The following WWOX variants were observed in gnomAD, a reference collection of about 807,000 sequenced individuals.
WWOX encodes the protein WW domain containing oxidoreductase.
In WWOX, 69 loss-of-function variants were observed where a neutral mutation model predicts 46.2. The ratio of observed to expected loss-of-function variants is 1.49; its 90% confidence interval spans 1.23 to 1.82. The LOEUF (loss-of-function observed/expected upper bound fraction) is 1.82, where lower values mean the gene tolerates loss of function less well. Among genes scored for constraint, WWOX ranks in the 40% most tolerant of loss-of-function variants. WWOX has a pLI of 0.00. For synonymous variants in WWOX, 359 were observed against 202.6 expected (o/e 1.77, Z -6.56); for missense variants, 919 against 542.6 (o/e 1.69, Z -6.89).
chr16:78,802,933 AAAAAAAAAAC>A (rs2050930669), intron 8 of WWOX, among the ~76,000 whole-genome samples: 1 of 101,358 alleles, frequency 9.9e-6, no homozygotes, highest in Admixed American at 9.4e-5. Context: ...AAAAAAAAAA[AAAAAAAAAAC>A]AACAAACAGA....
At chr16:78,998,934 C>G (rs1163422872) in intron 8 of WWOX, among the ~76,000 whole-genome samples, 1 of 152,198 alleles carries the variant, frequency 6.6e-6, no homozygotes, top group Non-Finnish European at 1.5e-5. Context: ...TCCCAAATGC[C>G]AGCAACCAAA....
intron 8 of WWOX, among the ~76,000 whole-genome samples, chr16:78,648,235 A>G (rs1456338931): frequency 1.3e-5 from 2 of 152,128 alleles, no homozygotes; most frequent in Non-Finnish European, 2.9e-5. Context: ...GCATATCCCT[A>G]TACAAAGACC....
intron 8 of WWOX, among the ~76,000 whole-genome samples, chr16:78,933,017 G>T (rs2045657790): frequency 6.6e-6 from 1 of 152,226 alleles, no homozygotes; most frequent in African/African-American, 2.4e-5. Context: ...GACTCACCCA[G>T]ACTCTGAGTT....
intron 8 of WWOX, among the ~76,000 whole-genome samples, chr16:78,998,898 T>A (rs2047041013): frequency 6.6e-6 from 1 of 152,206 alleles, no homozygotes; most frequent in African/African-American, 2.4e-5. Flanking sequence ...TGTCCGACTT[T>A]GTTATTGCCT....
intron 8 of WWOX, among the ~76,000 whole-genome samples, chr16:78,964,357 G>A (rs1210850351): frequency 6.6e-6 from 1 of 152,126 alleles, no homozygotes; most frequent in Non-Finnish European, 1.5e-5. Flanking sequence ...TGGAGATGAG[G>A]AGCTCGTTGG....
At chr16:78,321,150 G>A (rs1401596383) in intron 5 of WWOX, among the ~76,000 whole-genome samples, 1 of 151,884 alleles carries the variant, frequency 6.6e-6, no homozygotes, top group Non-Finnish European at 1.5e-5. Flanking sequence ...GTTGCAAAAA[G>A]GAATGTATAG....
At chr16:78,302,380 G>C (rs1480594524) in intron 5 of WWOX, among the ~76,000 whole-genome samples, 1 of 152,164 alleles carries the variant, frequency 6.6e-6, no homozygotes, top group Non-Finnish European at 1.5e-5. Context: ...AGTTGCCTCA[G>C]CCTCTCTTTT....
chr16:79,026,107 G>A (rs1342027572), intron 8 of WWOX, among the ~76,000 whole-genome samples: 1 of 151,390 alleles, frequency 6.6e-6, no homozygotes, highest in Non-Finnish European at 1.5e-5. Context: ...AGCCCCTGTT[G>A]CCCTTTTCAA....
intron 8 of WWOX, among the ~76,000 whole-genome samples, chr16:78,940,536 G>C (rs1046337390): frequency 2.0e-5 from 3 of 152,080 alleles, no homozygotes; most frequent in Non-Finnish European, 2.9e-5. Flanking sequence ...TCGACATCCC[G>C]TGTTCCATCT....
intron 5 of WWOX, among the ~76,000 whole-genome samples, chr16:78,235,716 C>G (rs2037412841): frequency 6.7e-6 from 1 of 149,890 alleles, no homozygotes; most frequent in African/African-American, 2.4e-5. Context: ...CCAGGCCACC[C>G]TGTTTACAAG....
At chr16:79,184,416 A>G (rs1463311499) in intron 8 of WWOX, among the ~76,000 whole-genome samples, 4 of 152,218 alleles carry the variant, frequency 2.6e-5, no homozygotes, top group Non-Finnish European at 5.9e-5. Flanking sequence ...ATCAGTCACC[A>G]TGTAAGGAAA....
At chr16:79,175,283 T>C (rs2044608385) in intron 8 of WWOX, among the ~76,000 whole-genome samples, 1 of 152,246 alleles carries the variant, frequency 6.6e-6, no homozygotes, top group Admixed American at 6.5e-5. Flanking sequence ...AATCCAACTT[T>C]ATTCAACATA....
At chr16:78,532,049 T>G (rs1302590723) in intron 8 of WWOX, among the ~76,000 whole-genome samples, 2 of 150,918 alleles carry the variant, frequency 1.3e-5, no homozygotes, top group Non-Finnish European at 1.5e-5. Flanking sequence ...AAGTGGTATT[T>G]GGGGGAGTAG....
At chr16:78,345,566 G>T (rs2081081360) in intron 5 of WWOX, among the ~76,000 whole-genome samples, 1 of 91,912 alleles carries the variant, frequency 1.1e-5, no homozygotes, top group African/African-American at 3.8e-5. Context: ...TTTGAACCTG[G>T]GAAGTCAAGG....
intron 8 of WWOX, among the ~76,000 whole-genome samples, chr16:78,434,173 C>G (rs1001593635): frequency 6.6e-6 from 1 of 151,970 alleles, no homozygotes; most frequent in Non-Finnish European, 1.5e-5. Flanking sequence ...TCTAATCACC[C>G]AAGTGGTTTT....
intron 8 of WWOX, among the ~76,000 whole-genome samples, chr16:78,678,202 A>G (rs2047648751): frequency 6.6e-6 from 1 of 152,072 alleles, no homozygotes; most frequent in Non-Finnish European, 1.5e-5. Flanking sequence ...TTGGTAGATT[A>G]CATGCTTAAT....
rs34730954 is a variant in WWOX at position 78,318,272 on chromosome 16, A to ATTTTTT, written c.517-68576_517-68571dup. ...CTTAGGAGCCCTCCGTCTGGGAGGA[A>ATTTTTT]TTTTTTTTTTTTTTTTTGGTATATC... On this transcript the variant is annotated intron_variant, in intron 5 of 8. Coordinates refer to ENST00000566780, the MANE Select transcript of WWOX (RefSeq NM_016373.4). 5.2e-4 allele frequency among the ~76,000 whole-genome samples: 64 copies of ATTTTTT among 123,538 alleles called. 1 individual carries two copies. Among genetic ancestry groups the ATTTTTT allele is most frequent in the South Asian group, 2.6e-3 (10 of 3,776 alleles). 81.0% of individuals were successfully genotyped at this position (123,538 alleles called of 152,430 possible).
chr16:79,071,601 C>T (rs920418409), intron 8 of WWOX, among the ~76,000 whole-genome samples: 2 of 152,218 alleles, frequency 1.3e-5, no homozygotes, highest in Non-Finnish European at 2.9e-5. Context: ...GCCTCCTGTC[C>T]CATTACACGC....
intron 4 of WWOX, among the ~76,000 whole-genome samples, chr16:78,133,823 A>C (rs531234396): frequency 2.0e-5 from 3 of 152,372 alleles, no homozygotes; most frequent in Admixed American, 2.0e-4. Context: ...AAGCTAGCTC[A>C]CAAAAGCAAG....
Sources: allele counts gnomAD v4.1 joint callset (sites outside exome capture counted in the v4.1 genomes callset), GRCh38; gene constraint gnomAD v4.1.1; transcripts MANE v1.5; gene names NCBI Gene and HGNC (gene_info 2026-07-23, HGNC 2026-07-21).